The following CLSTN2 variants were observed in gnomAD, a reference collection of about 807,000 sequenced individuals.
CLSTN2 encodes the protein calsyntenin-2.
In CLSTN2, 48 loss-of-function variants were observed where a neutral mutation model predicts 101.2. The ratio of observed to expected loss-of-function variants is 0.47; its 90% confidence interval spans 0.38 to 0.60. The LOEUF (loss-of-function observed/expected upper bound fraction) is 0.60. CLSTN2 is among the 20% of genes least tolerant of loss of function. CLSTN2 has a pLI of 0.00. For missense variants in CLSTN2, 1,160 were observed against 1,238.2 expected (o/e 0.94, Z 0.95); for synonymous variants, 481 against 463.6 (o/e 1.04, Z -0.48).
chr3:140,137,155 A>C (rs1209734397), intron 1 of CLSTN2, among the ~76,000 whole-genome samples: 1 of 152,178 alleles, frequency 6.6e-6, no homozygotes, highest in African/African-American at 2.4e-5. Flanking sequence ...TACTCCTGTT[A>C]TCAGGAACAA....
At chr3:140,215,768 AC>A (rs1360879266) in intron 2 of CLSTN2, among the ~76,000 whole-genome samples, 2 of 152,212 alleles carry the variant, frequency 1.3e-5, no homozygotes, top group African/African-American at 4.8e-5. Context: ...CACCTTTCAA[AC>A]CGCATTGTTA....
At chr3:140,424,314 G>C (rs1018401635) in intron 5 of CLSTN2, among the ~76,000 whole-genome samples, 11 of 152,176 alleles carry the variant, frequency 7.2e-5, no homozygotes, top group Non-Finnish European at 1.2e-4. Flanking sequence ...AGGCCCTCCA[G>C]GCTCTCTGAT....
chr3:140,557,743 C>T (rs1364435399), intron 11 of CLSTN2, among the ~76,000 whole-genome samples: 1 of 152,136 alleles, frequency 6.6e-6, no homozygotes, highest in East Asian at 1.9e-4. Flanking sequence ...CCAGCTGAAC[C>T]CCACCTAGCA....
chr3:140,002,528 A>G (rs1001060302), intron 1 of CLSTN2, among the ~76,000 whole-genome samples: 19 of 151,750 alleles, frequency 1.3e-4, no homozygotes, highest in African/African-American at 4.4e-4. Flanking sequence ...CATTTTGTTT[A>G]TTGTTTCCTT....
At chr3:140,504,889 A>G (rs73231242) in intron 8 of CLSTN2, among the ~76,000 whole-genome samples, 15,578 of 152,166 alleles carry the variant, frequency 0.1, 1,039 homozygotes, top group Non-Finnish European at 0.15. Flanking sequence ...CTGGATTTCA[A>G]TCAGTTTCCA....
chr3:139,944,953 G>C (rs1397770912), intron 1 of CLSTN2, among the ~76,000 whole-genome samples: 1 of 152,196 alleles, frequency 6.6e-6, no homozygotes, highest in African/African-American at 2.4e-5. Flanking sequence ...GATACCAGTG[G>C]AATTCTCATT....
intron 2 of CLSTN2, among the ~76,000 whole-genome samples, chr3:140,355,571 G>T (rs1224756537): frequency 6.6e-6 from 1 of 152,224 alleles, no homozygotes; most frequent in African/African-American, 2.4e-5. Flanking sequence ...AGGGATGAAG[G>T]GTTAGTGTGG....
chr3:140,279,781 C>T (rs559419210), intron 2 of CLSTN2, among the ~76,000 whole-genome samples: 174 of 152,304 alleles, frequency 1.1e-3, no homozygotes, highest in Non-Finnish European at 2.2e-3. Context: ...CTCCTATTGG[C>T]ATTCCTTTGC....
chr3:140,042,744 A>T (rs149321714), intron 1 of CLSTN2, among the ~76,000 whole-genome samples: 1 of 152,042 alleles, frequency 6.6e-6, no homozygotes, highest in Non-Finnish European at 1.5e-5. Context: ...TCATTGTTCA[A>T]TTCCCACCTA....
At chr3:140,457,027 T>C (rs1313028801) in intron 6 of CLSTN2, among the ~76,000 whole-genome samples, 1 of 152,164 alleles carries the variant, frequency 6.6e-6, no homozygotes, top group Non-Finnish European at 1.5e-5. Context: ...GTCTAAGGTA[T>C]TAATTGAAGT....
chr3:140,331,790 T>C (rs980009819), intron 2 of CLSTN2, among the ~76,000 whole-genome samples: 1 of 152,210 alleles, frequency 6.6e-6, no homozygotes, highest in East Asian at 1.9e-4. Context: ...TAATGCTGAC[T>C]CCTTTACTCA....
At chr3:140,110,077 G>A (rs1382848700) in intron 1 of CLSTN2, among the ~76,000 whole-genome samples, 2 of 152,064 alleles carry the variant, frequency 1.3e-5, no homozygotes, top group African/African-American at 2.4e-5. Context: ...TTATTCTAAA[G>A]GACTGGCAAT....
At chr3:140,196,599 G>A (rs181738343) in intron 2 of CLSTN2, among the ~76,000 whole-genome samples, 9 of 152,324 alleles carry the variant, frequency 5.9e-5, no homozygotes, top group East Asian at 3.9e-4. Flanking sequence ...TGCTGGCTCC[G>A]AAGATGCATA....
At chr3:140,338,142 G>T (rs958524415) in intron 2 of CLSTN2, among the ~76,000 whole-genome samples, 1 of 152,142 alleles carries the variant, frequency 6.6e-6, no homozygotes, top group Non-Finnish European at 1.5e-5. Context: ...GAAGGTCATT[G>T]ACCTTTGGGC....
intron 1 of CLSTN2, among the ~76,000 whole-genome samples, chr3:140,076,489 C>T (rs2107778979): frequency 6.6e-6 from 1 of 152,288 alleles, no homozygotes; most frequent in South Asian, 2.1e-4. Flanking sequence ...GCTTGGTAGG[C>T]AGGACCTGCC....
At chr3:140,155,569 C>T (rs576004050) in intron 1 of CLSTN2, among the ~76,000 whole-genome samples, 6 of 152,200 alleles carry the variant, frequency 3.9e-5, no homozygotes, top group Admixed American at 3.9e-4. Context: ...GCAGGTTACT[C>T]AGATTCTAAG....
At chr3:140,093,324 A>T (rs1048476855) in intron 1 of CLSTN2, among the ~76,000 whole-genome samples, 5 of 152,184 alleles carry the variant, frequency 3.3e-5, no homozygotes, top group African/African-American at 1.2e-4. Context: ...GAGCCAGGAG[A>T]TGGCTCAGCA....
At chr3:140,162,556 A>G (rs1217218443) in intron 1 of CLSTN2, among the ~76,000 whole-genome samples, 1 of 152,166 alleles carries the variant, frequency 6.6e-6, no homozygotes, top group Non-Finnish European at 1.5e-5. Flanking sequence ...TGATAGACTG[A>G]CAATCAGATC....
At chr3:140,421,592 C>G (rs185164793) in intron 5 of CLSTN2, among the ~76,000 whole-genome samples, 36 of 152,266 alleles carry the variant, frequency 2.4e-4, no homozygotes, top group Non-Finnish European at 1.0e-4. Context: ...AGCCTATTCA[C>G]TTTACCCCAG....
Sources: allele counts gnomAD v4.1 joint callset (sites outside exome capture counted in the v4.1 genomes callset), GRCh38; gene constraint gnomAD v4.1.1; transcripts MANE v1.5; gene names NCBI Gene and HGNC (gene_info 2026-07-23, HGNC 2026-07-21).